The following ACOT7 variants were observed in gnomAD, a reference collection of about 807,000 sequenced individuals.
ACOT7 encodes the protein cytosolic acyl coenzyme A thioester hydrolase.
Under a neutral mutation model 40.2 loss-of-function variants are expected in ACOT7, and 12 were observed. The observed-to-expected ratio is 0.30, with a 90% CI of 0.19 to 0.48. The LOEUF (loss-of-function observed/expected upper bound fraction) is 0.48. Ranked by LOEUF, ACOT7 falls within the 20% of genes least tolerant of loss-of-function variation. ACOT7 has a pLI of 0.99. For synonymous variants in ACOT7, 228 were observed against 219.5 expected (o/e 1.04, Z -0.34); for missense variants, 395 against 530.8 (o/e 0.74, Z 2.51).
intron 7 of ACOT7, among the ~76,000 whole-genome samples, chr1:6,287,209 G>A (rs1639528859): frequency 6.6e-6 from 1 of 152,268 alleles, no homozygotes; most frequent in South Asian, 2.1e-4. Flanking sequence ...TGTAATCAAT[G>A]AGGGTCAAGC....
intron 3 of ACOT7, among the ~76,000 whole-genome samples, chr1:6,337,026 GGAA>G (rs1641125262): frequency 6.6e-6 from 1 of 152,204 alleles, no homozygotes. Context: ...GCTGAAGCTG[GGAA>G]GAAGAACCTG....
chr1:6,365,320 G>A (rs1641980370), intron 1 of ACOT7, among the ~76,000 whole-genome samples: 1 of 152,068 alleles, frequency 6.6e-6, no homozygotes, highest in South Asian at 2.1e-4. Flanking sequence ...GATATTACGG[G>A]TTTGGTTCCA....
intron 4 of ACOT7, among the ~76,000 whole-genome samples, chr1:6,331,634 C>G (rs925322714): frequency 6.6e-6 from 1 of 152,338 alleles, no homozygotes; most frequent in East Asian, 1.9e-4. Context: ...CCTGAGCCCC[C>G]GCCCACTGGC....
chr1:6,276,491 T>C (rs1201216658), intron 8 of ACOT7, among the ~76,000 whole-genome samples: 2 of 151,804 alleles, frequency 1.3e-5, no homozygotes, highest in Non-Finnish European at 2.9e-5. Flanking sequence ...AAAATATTCA[T>C]GGAGACGCAA....
At chr1:6,332,491 C>T (rs1318068418) in intron 4 of ACOT7, among the ~76,000 whole-genome samples, 1 of 152,240 alleles carries the variant, frequency 6.6e-6, no homozygotes, top group Non-Finnish European at 1.5e-5. Flanking sequence ...CATGGCAGGA[C>T]CCCTCTGACA....
At chr1:6,286,164 G>A (rs931358298) in intron 7 of ACOT7, among the ~76,000 whole-genome samples, 5 of 152,198 alleles carry the variant, frequency 3.3e-5, no homozygotes, top group Admixed American at 1.3e-4. Flanking sequence ...CACATCACCC[G>A]TCCAAATGCA....
intron 1 of ACOT7, among the ~76,000 whole-genome samples, chr1:6,381,566 C>T (rs936212625): frequency 6.6e-6 from 1 of 151,680 alleles, no homozygotes. Flanking sequence ...GAAACCAGAA[C>T]CCATGTACAC....
chr1:6,363,372 G>A (rs765005003), intron 1 of ACOT7, among the ~76,000 whole-genome samples: 3 of 152,032 alleles, frequency 2.0e-5, no homozygotes, highest in African/African-American at 7.2e-5. Context: ...CCTTTCCCCC[G>A]GGGAGTTTAG....
chr1:6,347,875 T>G (rs1641478028), intron 2 of ACOT7, among the ~76,000 whole-genome samples: 1 of 152,066 alleles, frequency 6.6e-6, no homozygotes, highest in South Asian at 2.1e-4. Flanking sequence ...GAATGTCAAG[T>G]GCTGACCAAA....
At chr1:6,341,786 G>A (rs905138871) in intron 2 of ACOT7, among the ~76,000 whole-genome samples, 1 of 152,084 alleles carries the variant, frequency 6.6e-6, no homozygotes, top group Non-Finnish European at 1.5e-5. Context: ...TCAAATAGGC[G>A]ACCCATTCTC....
At chr1:6,270,012 G>A (rs889879249) in intron 8 of ACOT7, among the ~76,000 whole-genome samples, 1 of 152,274 alleles carries the variant, frequency 6.6e-6, no homozygotes, top group Non-Finnish European at 1.5e-5. Context: ...ACCACCCAGG[G>A]GGAGGTGGAA....
intron 1 of ACOT7, among the ~76,000 whole-genome samples, chr1:6,365,724 C>T (rs1305551527): frequency 1.3e-5 from 2 of 149,574 alleles, no homozygotes; most frequent in East Asian, 4.1e-4. Context: ...GCCGAGATCG[C>T]ACCACTGCAC....
intron 6 of ACOT7, among the ~76,000 whole-genome samples, chr1:6,302,591 T>A (rs1207133175): frequency 6.6e-6 from 1 of 151,698 alleles, no homozygotes; most frequent in East Asian, 1.9e-4. Context: ...GAGAAAAACA[T>A]AGAAAAACCA....
At chr1:6,272,633 G>T (rs770762945) in intron 8 of ACOT7, among the ~76,000 whole-genome samples, 5 of 152,178 alleles carry the variant, frequency 3.3e-5, no homozygotes, top group African/African-American at 4.8e-5. Context: ...TGTGTGTCTG[G>T]CCGCAAAGAG....
At chr1:6,324,923 G>A (rs576546831) in intron 5 of ACOT7, among the ~76,000 whole-genome samples, 58 of 152,282 alleles carry the variant, frequency 3.8e-4, no homozygotes, top group Non-Finnish European at 7.6e-4. Flanking sequence ...CTGTGTTGGT[G>A]CCTTTCCTAA....
intron 2 of ACOT7, among the ~76,000 whole-genome samples, chr1:6,341,602 T>C (rs1356995176): frequency 6.6e-6 from 1 of 151,542 alleles, no homozygotes; most frequent in Non-Finnish European, 1.5e-5. Flanking sequence ...ATTAGCCGGG[T>C]GTGGTGGTGG....
At position 6,274,809 on chromosome 1, in the gene ACOT7, C is replaced by T. The variant is rs909592178; in HGVS notation, c.1014+6293G>A. Among the ~76,000 whole-genome samples the T allele has an allele frequency of 2.0e-5, 3 of 152,174 alleles. No homozygotes were observed. Among genetic ancestry groups the T allele is most frequent in the Admixed American group, 6.5e-5 (1 of 15,286 alleles). On this transcript the variant is annotated intron_variant, in intron 8 of 8. Coordinates refer to ENST00000361521, the MANE Select transcript of ACOT7 (RefSeq NM_007274.4). The surrounding 1 kb of genome is among the most constrained non-coding windows in gnomAD (Gnocchi z 5.9). The stretch of plus-strand genomic sequence containing the variant: ...GCTGAAGCAAAGGCCCTGGGCTGAG[C>T]GCGGTGTGGGTGGGCGGCGCAGTGC...
intron 7 of ACOT7, among the ~76,000 whole-genome samples, chr1:6,291,537 A>G (rs537031353): frequency 1.7e-4 from 26 of 152,308 alleles, no homozygotes; most frequent in African/African-American, 6.0e-4. Context: ...ACCAGAAAGC[A>G]ATGCCCATTC....
At chr1:6,303,886 C>T (rs1399051669) in intron 6 of ACOT7, among the ~76,000 whole-genome samples, 1 of 152,160 alleles carries the variant, frequency 6.6e-6, no homozygotes, top group Non-Finnish European at 1.5e-5. Context: ...CCATTGATTC[C>T]TTACATTCTA....
Sources: gnomAD v4.1 joint callset for allele counts (sites outside exome capture counted in the v4.1 genomes callset) on GRCh38, gnomAD v4.1.1 for gene constraint, Gnocchi (gnomAD v3.1) non-coding constraint, MANE v1.5 for transcripts, NCBI Gene and HGNC (gene_info 2026-07-23, HGNC 2026-07-21) for gene names.